Variants in NADSYN1 observed in about 807,000 individuals in gnomAD.
The protein encoded by NADSYN1 is NAD synthetase 1.
Under a neutral mutation model 99.3 loss-of-function variants are expected in NADSYN1, and 80 were observed. The observed-to-expected ratio is 0.81, with a 90% CI of 0.67 to 0.97. The LOEUF (loss-of-function observed/expected upper bound fraction) is 0.97. NADSYN1 is among the 50% of genes least tolerant of loss of function. NADSYN1 has a pLI of 0.00. For missense variants in NADSYN1, 859 were observed against 948.5 expected (o/e 0.91, Z 1.24); for synonymous variants, 385 against 372.1 (o/e 1.03, Z -0.40).
chr11:71,481,007 G>C (rs540707520), intron 11 of NADSYN1, 128 bp downstream of exon 11: 1 of 1,336,536 alleles, frequency 7.5e-7, no homozygotes, highest in South Asian at 1.4e-5. Context: ...GAAGGCAACT[G>C]TGCATCCCCT....
At chr11:71,478,356 C>T (rs532890770) in intron 9 of NADSYN1, 39 bp from the exon 10 acceptor site, 110 of 1,519,586 alleles carry the variant, frequency 7.2e-5, no homozygotes, top group Middle Eastern at 1.7e-4. Flanking sequence ...GTTGAACAAA[C>T]GGGAAATCAC....
intron 2 of NADSYN1, 43 bp from the exon 3 acceptor site, chr11:71,458,385 A>G: frequency 2.0e-6 from 3 of 1,497,304 alleles, no homozygotes; most frequent in Non-Finnish European, 2.8e-6. Flanking sequence ...CTCCCCGCTC[A>G]CCTGAGTTGT....
At chr11:71,482,584 C>T (rs1468774838) in intron 13 of NADSYN1, 6 of 414,324 alleles carry the variant, frequency 1.4e-5, no homozygotes, top group African/African-American at 1.1e-4. Flanking sequence ...TGCATGGGCA[C>T]CTGGGGGTGT....
intron 9 of NADSYN1, chr11:71,477,059 C>T: frequency 1.8e-6 from 2 of 1,092,616 alleles, no homozygotes; most frequent in Non-Finnish European, 2.2e-6. Context: ...AAATGGTCAA[C>T]AGAAGTCTTG....
Position 71,453,283 on chromosome 11 carries a change from C to T in NADSYN1, c.-14C>T, listed in dbSNP as rs777508650. On this transcript the variant is annotated 5_prime_UTR_variant, in exon 1 of 21. Coordinates refer to ENST00000319023, the MANE Select transcript of NADSYN1 (RefSeq NM_018161.5). The stretch of plus-strand genomic sequence containing the variant: ...GTCCCCCGCTGGCCTCCTGCCCAAG[C>T]GACTGCGGCCAGGATGGGCCGGAAG... The T allele has an allele frequency of 6.2e-7, 1 of 1,612,078 alleles. No individual in the cohort carries two copies. The highest frequency in any genetic ancestry group is 1.1e-5 in the South Asian group (1 of 90,878).
At chr11:71,487,300 G>A (rs531302911) in intron 16 of NADSYN1, among the ~76,000 whole-genome samples, 1 of 152,142 alleles carries the variant, frequency 6.6e-6, no homozygotes, top group Non-Finnish European at 1.5e-5. Flanking sequence ...GGGTGTGACG[G>A]CTGGTGTATA....
In NADSYN1 at chr11:71,486,787, C is replaced by T. The variant is rs1264632556; in HGVS notation, c.1562+1139C>T. Among the ~76,000 whole-genome samples, 20 of 135,160 alleles carry T rather than the reference C, an allele frequency of 1.5e-4. 1 individual carries two copies. In the East Asian group the frequency reaches 4.2e-3, roughly 28 times the overall value. 88.7% of individuals were successfully genotyped at this position (135,160 alleles called of 152,430 possible). On this transcript the variant is annotated intron_variant, in intron 16 of 20. Transcript: ENST00000319023. ...ATCTATCCCTCCCTTTTTTCTATGG[C>T]GTGAGTGTCTTTTTTTTTTTTTTTT... is the stretch of plus-strand genomic sequence containing the variant.
chr11:71,455,230 C>G lies in NADSYN1; in HGVS notation c.146+60C>G, dbSNP rs996309345. The G allele has an allele frequency of 6.2e-6, 9 of 1,449,826 alleles. No homozygotes were observed. In the Admixed American group the frequency reaches 6.9e-5, roughly 11 times the overall value. The allele number at this position is 1,449,826 out of a possible 1,614,324, so 89.8% of individuals were successfully genotyped here. On this transcript the variant is annotated intron_variant, in intron 2 of 20. Coordinates refer to ENST00000319023, the MANE Select transcript of NADSYN1 (RefSeq NM_018161.5). Reference sequence around the variant, plus strand: ...CTAGCGATACCAGCATCAGTTTTCCCCAGCTGAGAAGGCAAGGAAGGAGCA... The same window carrying G: ...CTAGCGATACCAGCATCAGTTTTCCGCAGCTGAGAAGGCAAGGAAGGAGCA...
chr11:71,473,401 AC>A (rs1160402275), intron 7 of NADSYN1, 35 bp downstream of exon 7: 1 of 1,605,408 alleles, frequency 6.2e-7, no homozygotes, highest in Non-Finnish European at 8.5e-7. Context: ...CTGATCGCCC[AC>A]CTCATATGGG....
In NADSYN1 at chr11:71,484,721, G is replaced by A. The variant is rs373449135; in HGVS notation, c.1455+274G>A. 1,113 of 432,872 alleles carry A rather than the reference G, an allele frequency of 2.6e-3. 27 individuals carry two copies. In the South Asian group the frequency reaches 0.027, roughly 11 times the overall value. The allele number at this position is 432,872 out of a possible 1,614,324, so 26.8% of individuals were successfully genotyped here. On this transcript the variant is annotated intron_variant, in intron 15 of 20. Coordinates refer to ENST00000319023, the MANE Select transcript of NADSYN1 (RefSeq NM_018161.5). Reference sequence around the variant, plus strand: ...CAAGAGCGGGGGTGTAAGGATGTGCGTGCTCGAGTGTGTGCATGAGCCTGA... The same window carrying A: ...CAAGAGCGGGGGTGTAAGGATGTGCATGCTCGAGTGTGTGCATGAGCCTGA...
At position 71,473,585 on chromosome 11, in the gene NADSYN1, G is replaced by T; in HGVS notation, c.565G>T (p.Gly189Cys). 1 of 1,612,102 alleles carries T rather than the reference G, an allele frequency of 6.2e-7. No homozygotes were observed. Among genetic ancestry groups the T allele is most frequent in the Non-Finnish European group, 8.5e-7 (1 of 1,179,228 alleles). ...WTPHSPHIDM[G>C]LDGVEIITNA... The stretch of plus-strand genomic sequence containing the variant: ...TGCCTGCAGCCCGCACATCGACATG[G>T]GCCTGGATGGCGTGGAGATCATCAC... Residue 189 changes from glycine (G) to cysteine (C), a missense_variant, in exon 8 of 21, where the codon GGC (glycine) becomes TGC (cysteine). Physicochemically the swap from Gly to Cys is radical, Grantham distance 159 (BLOSUM62 -3). Coordinates refer to ENST00000319023, the MANE Select transcript of NADSYN1 (RefSeq NM_018161.5).
At chr11:71,468,385 C>T (rs1224445925) in intron 5 of NADSYN1, among the ~76,000 whole-genome samples, 16 of 152,234 alleles carry the variant, frequency 1.1e-4, no homozygotes, top group Admixed American at 2.6e-4. Flanking sequence ...CATAGCTGTG[C>T]GTGTAAATTA....
chr11:71,482,963 ACTC>A lies in NADSYN1; in HGVS notation c.1270_1272del (p.Ser424del), dbSNP rs767061525. 4.3e-6 allele frequency: 7 copies of A among 1,612,700 alleles called. No homozygotes were observed. Among genetic ancestry groups the A allele is most frequent in the Non-Finnish European group, 5.9e-6 (7 of 1,179,546 alleles). The stretch of plus-strand genomic sequence containing the variant: ...ACCACCTGCTACATGGCCAGCAAGA[ACTC>A]CTCCCAGGAGACGTGCACCCGGGCC... On this transcript the variant is annotated inframe_deletion, in exon 14 of 21. Coordinates refer to ENST00000319023, the MANE Select transcript of NADSYN1 (RefSeq NM_018161.5).
At chr11:71,463,172 G>A (rs1188398938) in intron 3 of NADSYN1, among the ~76,000 whole-genome samples, 4 of 152,186 alleles carry the variant, frequency 2.6e-5, no homozygotes, top group Non-Finnish European at 4.4e-5. Context: ...GAAGAACCCT[G>A]TGGTGGAATG....
At chr11:71,457,596 T>C (rs1478070069) in intron 2 of NADSYN1, among the ~76,000 whole-genome samples, 2 of 152,156 alleles carry the variant, frequency 1.3e-5, no homozygotes, top group African/African-American at 4.8e-5. Flanking sequence ...GCAACAGAAA[T>C]GTATTCTCTC....
In NADSYN1 at chr11:71,453,337, A is replaced by T; in HGVS notation, c.41A>T (p.Gln14Leu). 1 of 1,613,906 alleles carries T rather than the reference A, an allele frequency of 6.2e-7. No individual in the cohort carries two copies. ...KVTVATCALNQWALDFEGNLQ... is the reference protein window; with the variant it reads ...KVTVATCALNLWALDFEGNLQ... The stretch of plus-strand genomic sequence containing the variant: ...ACCGTGGCCACCTGCGCACTCAACC[A>T]GTGGGCCCTGGACTTCGAGGGCAAT... Residue 14 changes from glutamine (Q) to leucine (L), a missense_variant, in exon 1 of 21, where the codon CAG (glutamine) becomes CTG (leucine). Transcript: ENST00000319023.
At chr11:71,465,569 A>G (rs970399308) in intron 5 of NADSYN1, among the ~76,000 whole-genome samples, 1 of 152,192 alleles carries the variant, frequency 6.6e-6, no homozygotes, top group Non-Finnish European at 1.5e-5. Flanking sequence ...GGCGTCGGCC[A>G]TGTGCATCCT....
rs374040168 is a variant in NADSYN1, at chr11:71,464,107, C to T, written c.372C>T (p.Arg124=). The change falls in exon 5 of 21, where the codon CGC becomes CGT. Residue 124 remains arginine (R), a synonymous_variant. Transcript: ENST00000319023. Reference sequence around the variant, plus strand: ...CCTTGGCCAATGAAGGCAACTACCGCGAGCTGCGCTGGTTCACCCCGTGGT... The same window carrying T: ...CCTTGGCCAATGAAGGCAACTACCGTGAGCTGCGCTGGTTCACCCCGTGGT... The part of the protein sequence containing the change: ...KMALANEGNY[R]ELRWFTPWSR... The T allele has an allele frequency of 1.4e-5, 22 of 1,612,074 alleles. No individual in the cohort carries two copies. The highest frequency in any genetic ancestry group is 8.9e-5 in the East Asian group (4 of 44,852).
rs138969547 is a variant in NADSYN1, at chr11:71,480,845, G to T, written c.964G>T (p.Glu322Ter). 3 of 1,614,152 alleles carry T rather than the reference G, an allele frequency of 1.9e-6. No individual in the cohort carries two copies. The highest frequency in any genetic ancestry group is 1.7e-6 in the Non-Finnish European group (2 of 1,180,020). ...GCTGGCACCCATCTCTGAGCCCATC[G>T]AGTGGAAATACCACAGCCCTGAGGA... ...DLLAPISEPI[E>*]WKYHSPEEEI... The change falls in exon 11 of 21, where the codon GAG (glutamate) becomes TAG (stop). Residue 322 changes from glutamate to a stop codon, truncating the protein, a stop_gained. Transcript: ENST00000319023. LOFTEE classifies it high-confidence loss of function.
Sources: allele counts gnomAD v4.1 joint callset (sites outside exome capture counted in the v4.1 genomes callset), GRCh38; gene constraint gnomAD v4.1.1; transcripts MANE v1.5; gene names NCBI Gene and HGNC (gene_info 2026-07-23, HGNC 2026-07-21).